Variants in PIP4K2A observed in about 807,000 individuals in gnomAD.
PIP4K2A encodes phosphatidylinositol-5-phosphate 4-kinase type 2 alpha.
PIP4K2A carries 14 observed loss-of-function variants against 42.9 expected under a neutral mutation model. The observed-to-expected ratio is 0.33, with a 90% CI of 0.22 to 0.51. The LOEUF (loss-of-function observed/expected upper bound fraction) is 0.51. Among genes scored for constraint, PIP4K2A ranks in the 20% least tolerant of loss-of-function variants. PIP4K2A has a pLI of 0.97. For missense variants in PIP4K2A, 434 were observed against 519.8 expected, an observed-to-expected ratio of 0.83 and a Z score of 1.61; for synonymous variants, 192 against 192.2, an observed-to-expected ratio of 1.00 and a Z score of 0.01.
chr10:22,580,503 A>G (rs1403210319), intron 4 of PIP4K2A, among the ~76,000 whole-genome samples: 1 of 151,934 alleles, frequency 6.6e-6, no homozygotes, highest in Non-Finnish European at 1.5e-5. Flanking sequence ...AAAATAAAAG[A>G]AAGACAGTGA....
rs181384718 is a variant in PIP4K2A, at chr10:22,690,357, C to T, written c.144+23826G>A. Among the ~76,000 whole-genome samples the T allele has an allele frequency of 7.2e-5, 11 of 152,284 alleles. No homozygotes were observed. The East Asian group carries it at 2.1e-3, about 29-fold the overall frequency. On this transcript the variant is annotated intron_variant, in intron 1 of 9. Coordinates refer to ENST00000376573, the MANE Select transcript of PIP4K2A (RefSeq NM_005028.5). ...CCTAAATCTGAACTCAGGCACTATGCTACACTCTGTAAGTTAATACAGCAT... is the reference window on the plus strand; with the variant it reads ...CCTAAATCTGAACTCAGGCACTATGTTACACTCTGTAAGTTAATACAGCAT...
At chr10:22,691,391 T>C (rs920949697) in intron 1 of PIP4K2A, among the ~76,000 whole-genome samples, 6 of 152,152 alleles carry the variant, frequency 3.9e-5, no homozygotes, top group Non-Finnish European at 4.4e-5. Context: ...CTCTTGCCCC[T>C]TCTCCTCCTC....
At chr10:22,680,194 G>T (rs534788806) in intron 1 of PIP4K2A, among the ~76,000 whole-genome samples, 255 of 152,118 alleles carry the variant, frequency 1.7e-3, no homozygotes, top group African/African-American at 5.8e-3. Flanking sequence ...CCACTTAAAT[G>T]GGCTGCTGTG....
chr10:22,660,849 G>T (rs1839192807), intron 1 of PIP4K2A, among the ~76,000 whole-genome samples: 1 of 151,906 alleles, frequency 6.6e-6, no homozygotes, highest in Non-Finnish European at 1.5e-5. Context: ...AAACTACAAT[G>T]GTGGATACCT....
intron 3 of PIP4K2A, among the ~76,000 whole-genome samples, chr10:22,601,144 AAAAAAAAAAAAAAAAAAAAC>A (rs1314153454): frequency 9.8e-5 from 13 of 132,194 alleles, no homozygotes; most frequent in Admixed American, 2.3e-4. Context: ...AAAAAAAAAA[AAAAAAAAAAAAAAAAAAAAC>A]AAACCAGGAA....
At chr10:22,692,576 T>C (rs1338962681) in intron 1 of PIP4K2A, among the ~76,000 whole-genome samples, 1 of 152,162 alleles carries the variant, frequency 6.6e-6, no homozygotes, top group East Asian at 1.9e-4. Context: ...GTGAAAGGGG[T>C]AGGCACTTGG....
At chr10:22,597,674 A>C (rs7918943) in intron 3 of PIP4K2A, among the ~76,000 whole-genome samples, 11,000 of 152,118 alleles carry the variant, frequency 0.072, 452 homozygotes, top group Middle Eastern at 0.15. Context: ...GAAGGGAAAA[A>C]AAGAAATTAA....
chr10:22,679,057 C>T (rs1839613932), intron 1 of PIP4K2A, among the ~76,000 whole-genome samples: 1 of 152,100 alleles, frequency 6.6e-6, no homozygotes, highest in South Asian at 2.1e-4. Flanking sequence ...GTGACACCAA[C>T]GGCAGAAGCA....
At chr10:22,704,417 G>C (rs1319707942) in intron 1 of PIP4K2A, among the ~76,000 whole-genome samples, 1 of 152,134 alleles carries the variant, frequency 6.6e-6, no homozygotes, top group Non-Finnish European at 1.5e-5. Flanking sequence ...ATCATCGCAG[G>C]TAAGTTGACG....
At chr10:22,703,463 A>T (rs963507620) in intron 1 of PIP4K2A, among the ~76,000 whole-genome samples, 3 of 152,156 alleles carry the variant, frequency 2.0e-5, no homozygotes, top group African/African-American at 7.2e-5. Flanking sequence ...GAAGAGAAAA[A>T]TAAAGACTGA....
intron 1 of PIP4K2A, among the ~76,000 whole-genome samples, chr10:22,699,288 G>C (rs887166122): frequency 6.6e-6 from 1 of 152,140 alleles, no homozygotes; most frequent in Non-Finnish European, 1.5e-5. Flanking sequence ...ACATTCATTT[G>C]TAAGTTGGCC....
At position 22,604,431 on chromosome 10, in the gene PIP4K2A, G is replaced by A. The variant is rs150380108; in HGVS notation, c.339+3496C>T. Among the ~76,000 whole-genome samples, 256 of 151,832 alleles carry A rather than the reference G, an allele frequency of 1.7e-3. 3 individuals are homozygous for A. Among genetic ancestry groups the A allele is most frequent in the African/African-American group, 5.7e-3 (234 of 41,366 alleles). On this transcript the variant is annotated intron_variant, in intron 3 of 9. Coordinates refer to ENST00000376573, the MANE Select transcript of PIP4K2A (RefSeq NM_005028.5). ...ATTTACCCACTTGGCTGAATGGAAA[G>A]GTCTGAATACGAGATAAACCAGACG...
chr10:22,535,890 G>GAA lies in PIP4K2A; in HGVS notation c.*1309_*1310dup, dbSNP rs34435373. 1 of 372,988 alleles carries GAA rather than the reference G, an allele frequency of 2.7e-6. No individual in the cohort carries two copies. Among genetic ancestry groups the GAA allele is most frequent in the Non-Finnish European group, 4.8e-6 (1 of 210,180 alleles). The allele number at this position is 372,988 out of a possible 1,614,324, so 23.1% of individuals were successfully genotyped here. On this transcript the variant is annotated 3_prime_UTR_variant, in exon 10 of 10. Transcript: ENST00000376573. ...TAGGTTGATAAATGTACATTTGGAG[G>GAA]AAAAAAAAATCCTTTTCCTTTTATT...
chr10:22,577,188 G>C (rs1329341234), intron 4 of PIP4K2A, among the ~76,000 whole-genome samples: 1 of 151,946 alleles, frequency 6.6e-6, no homozygotes, highest in African/African-American at 2.4e-5. Flanking sequence ...TCAGGGAGCA[G>C]AGACACCTGG....
intron 1 of PIP4K2A, among the ~76,000 whole-genome samples, chr10:22,641,306 C>T (rs1259851484): frequency 6.6e-6 from 1 of 152,218 alleles, no homozygotes. Context: ...CCTGGCTTAA[C>T]AAGGCCACTC....
chr10:22,656,728 C>T (rs1839108526), intron 1 of PIP4K2A, among the ~76,000 whole-genome samples: 2 of 148,172 alleles, frequency 1.3e-5, no homozygotes, highest in African/African-American at 2.5e-5. Flanking sequence ...ACCTGGGAGG[C>T]GGAGGTTGCA....
In PIP4K2A at chr10:22,581,848, T is replaced by A. The variant is rs1057248227; in HGVS notation, c.493-8391A>T. ...TCTGCTTACAGCTGGGCATGGTGGC[T>A]CATGCCTGTAATCCCAGCACTGGGA... On this transcript the variant is annotated intron_variant, in intron 4 of 9. Transcript: ENST00000376573. Among the ~76,000 whole-genome samples, 8 of 152,320 alleles carry A rather than the reference T, an allele frequency of 5.3e-5. 1 individual carries two copies. The East Asian group carries it at 1.4e-3, about 26-fold the overall frequency.
Position 22,701,071 on chromosome 10 carries a change from G to A in PIP4K2A, c.144+13112C>T, listed in dbSNP as rs77744325. Among the ~76,000 whole-genome samples the A allele has an allele frequency of 3.9e-3, 593 of 152,164 alleles. 7 individuals are homozygous for A. Among genetic ancestry groups the A allele is most frequent in the African/African-American group, 0.012 (499 of 41,512 alleles). On this transcript the variant is annotated intron_variant, in intron 1 of 9. Coordinates refer to ENST00000376573, the MANE Select transcript of PIP4K2A (RefSeq NM_005028.5). ...TTTCTCCAGCTTCTCCATCCACCAC[G>A]CTAATTCAATTCTTGAAGAATTTCA...
chr10:22,631,706 A>T (rs545072540), intron 1 of PIP4K2A, among the ~76,000 whole-genome samples: 10 of 152,372 alleles, frequency 6.6e-5, no homozygotes, highest in South Asian at 6.2e-4. Flanking sequence ...AATGAAAATT[A>T]AAAAATCAGC....
Sources: allele counts gnomAD v4.1 joint callset (sites outside exome capture counted in the v4.1 genomes callset), GRCh38; gene constraint gnomAD v4.1.1; transcripts MANE v1.5; gene names NCBI Gene and HGNC (gene_info 2026-07-23, HGNC 2026-07-21).